TTC28: variants seen among roughly 807,000 people sequenced by gnomAD.
TTC28 encodes tetratricopeptide repeat protein 28.
A neutral mutation model predicts 198.0 loss-of-function variants in TTC28; 61 were observed. The observed-to-expected ratio is 0.31, with a 90% confidence interval of 0.25 to 0.38. The LOEUF is 0.38. Ranked by LOEUF, TTC28 falls within the 10% of genes least tolerant of loss-of-function variation. The pLI, the probability that TTC28 is intolerant of heterozygous loss-of-function variation, is 1.00. For synonymous variants in TTC28, 1,171 were observed against 1,297.8 expected, an observed-to-expected ratio of 0.90 and a Z score of 2.10; for missense variants, 2,678 against 3,164.0, an observed-to-expected ratio of 0.85 and a Z score of 3.69.
chr22:28,600,933 T>G (rs1050304908), intron 2 of TTC28, among the ~76,000 whole-genome samples: 1 of 152,208 alleles, frequency 6.6e-6, no homozygotes, highest in African/African-American at 2.4e-5. Flanking sequence ...CTGTAATATC[T>G]AAAATTCCGT....
At chr22:28,251,895 C>T (rs1930539191) in intron 5 of TTC28, among the ~76,000 whole-genome samples, 1 of 152,118 alleles carries the variant, frequency 6.6e-6, no homozygotes, top group South Asian at 2.1e-4. Flanking sequence ...AAACATTTAT[C>T]CTAGATCCCT....
chr22:28,130,310 A>C (rs574250883), intron 6 of TTC28, among the ~76,000 whole-genome samples: 7 of 152,314 alleles, frequency 4.6e-5, no homozygotes, highest in African/African-American at 1.7e-4. Flanking sequence ...TTTGCTCCCA[A>C]GGAAAAGCAG....
rs1425239015 is a variant in TTC28 at position 28,202,703 on chromosome 22, C to T, written c.934-39104G>A. Among the ~76,000 whole-genome samples, 4 of 152,158 alleles carry T rather than the reference C, an allele frequency of 2.6e-5. 1 individual carries two copies. Among genetic ancestry groups the T allele is most frequent in the Admixed American group, 6.5e-5 (1 of 15,284 alleles). ...TAGAGAGACCTTAGAGGTGCACGCA[C>T]TGTCTAGCTCTTCCCTTCTTCCAAT... On this transcript the variant is annotated intron_variant, in intron 5 of 22. Transcript: ENST00000397906.
chr22:28,416,800 C>T (rs540128865), intron 2 of TTC28, among the ~76,000 whole-genome samples: 1 of 152,232 alleles, frequency 6.6e-6, no homozygotes, highest in South Asian at 2.1e-4. Flanking sequence ...TTAAACAAAA[C>T]CACAAGACTA....
chr22:28,181,521 A>C (rs1923695340), intron 5 of TTC28, among the ~76,000 whole-genome samples: 2 of 152,218 alleles, frequency 1.3e-5, no homozygotes, highest in South Asian at 4.1e-4. Flanking sequence ...CAGAATTTAT[A>C]ATGATTTCAT....
chr22:28,373,572 T>C (rs2046367881), intron 2 of TTC28, among the ~76,000 whole-genome samples: 2 of 152,234 alleles, frequency 1.3e-5, no homozygotes, highest in African/African-American at 4.8e-5. Context: ...GCAAGTACCA[T>C]TTAATGTAGA....
chr22:28,368,654 C>T (rs933315671), intron 2 of TTC28, among the ~76,000 whole-genome samples: 7 of 152,062 alleles, frequency 4.6e-5, no homozygotes, highest in African/African-American at 1.7e-4. Flanking sequence ...AACCTAAAGA[C>T]TCCACCAAAG....
intron 5 of TTC28, among the ~76,000 whole-genome samples, chr22:28,207,885 G>T (rs1387485252): frequency 6.6e-6 from 1 of 152,048 alleles, no homozygotes; most frequent in East Asian, 1.9e-4. Flanking sequence ...TCCTAAAAAG[G>T]GTGTGGAGTA....
chr22:28,415,424 T>G (rs2047154345), intron 2 of TTC28, among the ~76,000 whole-genome samples: 1 of 152,162 alleles, frequency 6.6e-6, no homozygotes, highest in South Asian at 2.1e-4. Context: ...ATTTTCAATG[T>G]GACTAGAATT....
At chr22:28,618,716 G>A (rs187817591) in intron 2 of TTC28, among the ~76,000 whole-genome samples, 2 of 150,616 alleles carry the variant, frequency 1.3e-5, no homozygotes, top group African/African-American at 4.9e-5. Context: ...CAAAGAGGTA[G>A]GATATCGAAA....
chr22:28,419,624 T>G (rs1016310279), intron 2 of TTC28, among the ~76,000 whole-genome samples: 2 of 152,174 alleles, frequency 1.3e-5, no homozygotes, highest in African/African-American at 4.8e-5. Flanking sequence ...CTATCGACAA[T>G]CTAAATAAGA....
Position 28,105,796 on chromosome 22 carries a change from C to T in TTC28, c.2790G>A (p.Met930Ile). Residue 930 changes from methionine (M) to isoleucine (I), a missense_variant, in exon 8 of 23, where the codon ATG (methionine) becomes ATA (isoleucine). Physicochemically the swap from Met to Ile is conservative, Grantham distance 10. Coordinates refer to ENST00000397906, the MANE Select transcript of TTC28 (RefSeq NM_001145418.2). ...YRGLGNGHRA[M>I]GSLQQALVCF... ...ACACAAGGGCTTGCTGCAAGCTCCC[C>T]ATTGCCCTGTGGGGATGTAGACAGA... The T allele has an allele frequency of 6.5e-7, 1 of 1,549,840 alleles. No homozygotes were observed. The highest frequency in any genetic ancestry group is 1.2e-5 in the South Asian group (1 of 83,942).
intron 1 of TTC28, among the ~76,000 whole-genome samples, chr22:28,670,018 T>C (rs1233551745): frequency 6.6e-6 from 1 of 151,616 alleles, no homozygotes; most frequent in Admixed American, 6.6e-5. Context: ...TTGAACTTAG[T>C]TTGTCATTCC....
chr22:28,417,162 G>A (rs1478854166), intron 2 of TTC28, among the ~76,000 whole-genome samples: 1 of 151,988 alleles, frequency 6.6e-6, no homozygotes, highest in Non-Finnish European at 1.5e-5. Flanking sequence ...GCTGAGGTGG[G>A]AGGATGGCTT....
At chr22:28,562,804 A>G (rs1228296021) in intron 2 of TTC28, among the ~76,000 whole-genome samples, 1 of 152,198 alleles carries the variant, frequency 6.6e-6, no homozygotes, top group East Asian at 1.9e-4. Context: ...ACTTCATCAG[A>G]GGAAGGGTTT....
chr22:28,292,891 A>G (rs1204091959), intron 5 of TTC28, among the ~76,000 whole-genome samples: 3 of 152,246 alleles, frequency 2.0e-5, no homozygotes, highest in Non-Finnish European at 4.4e-5. Context: ...TAAGCACAGT[A>G]TTAGGTGCCT....
At chr22:28,065,646 C>T (rs1658075582) in intron 12 of TTC28, among the ~76,000 whole-genome samples, 1 of 152,108 alleles carries the variant, frequency 6.6e-6, no homozygotes, top group African/African-American at 2.4e-5. Flanking sequence ...GCCTCAGGTG[C>T]CCTTCAGAAA....
intron 2 of TTC28, among the ~76,000 whole-genome samples, chr22:28,328,773 A>G (rs2045571527): frequency 1.4e-5 from 2 of 142,642 alleles, no homozygotes; most frequent in African/African-American, 5.4e-5. Flanking sequence ...AATAATAATA[A>G]TAATAATAAT....
At chr22:28,323,468 C>A (rs953475833) in intron 2 of TTC28, among the ~76,000 whole-genome samples, 3 of 152,060 alleles carry the variant, frequency 2.0e-5, no homozygotes, top group African/African-American at 7.2e-5. Context: ...TTGAAAAATG[C>A]AATTGATATA....
Sources: allele counts gnomAD v4.1 joint callset (sites outside exome capture counted in the v4.1 genomes callset), GRCh38; gene constraint gnomAD v4.1.1; transcripts MANE v1.5; gene names NCBI Gene and HGNC (gene_info 2026-07-23, HGNC 2026-07-21).